The following LARS2 variants were observed in gnomAD, a reference collection of about 807,000 sequenced individuals.
LARS2 encodes leucyl-tRNA synthetase 2, mitochondrial.
In LARS2, 81 loss-of-function variants were observed where a neutral mutation model predicts 116.6. The ratio of observed to expected loss-of-function variants is 0.69; its 90% CI spans 0.58 to 0.84. LARS2 has a LOEUF of 0.84. Ranked by LOEUF, LARS2 falls within the 40% of genes least tolerant of loss-of-function variation. The probability of loss-of-function intolerance (pLI) is 0.00; values close to 1 mark genes in which losing one functional copy is unlikely to be tolerated. For synonymous variants in LARS2, 396 were observed against 407.2 expected (o/e 0.97, Z 0.33); for missense variants, 968 against 1,114.5 (o/e 0.87, Z 1.87).
chr3:45,433,820 A>G (rs1444711846), intron 6 of LARS2, among the ~76,000 whole-genome samples: 1 of 152,088 alleles, frequency 6.6e-6, no homozygotes, highest in Non-Finnish European at 1.5e-5. Flanking sequence ...TCTTTATCTA[A>G]GAATGCTTGA....
chr3:45,487,016 GA>G (rs1699826224), intron 11 of LARS2, among the ~76,000 whole-genome samples: 1 of 152,064 alleles, frequency 6.6e-6, no homozygotes, highest in Non-Finnish European at 1.5e-5. Flanking sequence ...CCTCCAAGAA[GA>G]ACAAGAGCAG....
intron 6 of LARS2, among the ~76,000 whole-genome samples, chr3:45,445,302 G>C (rs1366186264): frequency 6.6e-6 from 1 of 152,230 alleles, no homozygotes; most frequent in African/African-American, 2.4e-5. Context: ...TTTGTTAACA[G>C]TGGAAGTTTT....
intron 7 of LARS2, among the ~76,000 whole-genome samples, 182 bp downstream of exon 7, chr3:45,447,162 T>G (rs1372556571): frequency 6.6e-6 from 1 of 152,168 alleles, no homozygotes; most frequent in African/African-American, 2.4e-5. Flanking sequence ...CTTTTACCCT[T>G]GAATTCTTAC....
chr3:45,479,206 T>C (rs1699660118), intron 10 of LARS2, among the ~76,000 whole-genome samples: 1 of 152,182 alleles, frequency 6.6e-6, no homozygotes, highest in African/African-American at 2.4e-5. Flanking sequence ...CCATATGACT[T>C]AAGGAAGGTC....
At chr3:45,488,125 T>C (rs1699846939) in intron 11 of LARS2, among the ~76,000 whole-genome samples, 1 of 152,002 alleles carries the variant, frequency 6.6e-6, no homozygotes, top group Admixed American at 6.6e-5. Flanking sequence ...ATGTATATAT[T>C]AGGATTGTAA....
At chr3:45,432,254 C>G (rs141244873) in intron 6 of LARS2, among the ~76,000 whole-genome samples, 3 of 152,006 alleles carry the variant, frequency 2.0e-5, no homozygotes, top group African/African-American at 7.2e-5. Context: ...AACAACCAGA[C>G]AGAAAATAAG....
intron 6 of LARS2, among the ~76,000 whole-genome samples, chr3:45,425,404 C>T (rs933637252): frequency 2.0e-5 from 3 of 152,290 alleles, no homozygotes; most frequent in East Asian, 1.9e-4. Flanking sequence ...CGTGACCTCA[C>T]ACTCGTCCCT....
intron 20 of LARS2, among the ~76,000 whole-genome samples, chr3:45,535,088 T>G (rs749733235): frequency 6.6e-6 from 1 of 152,132 alleles, no homozygotes; most frequent in African/African-American, 2.4e-5. Flanking sequence ...GCACACTGGC[T>G]CACTCTTGTA....
intron 10 of LARS2, among the ~76,000 whole-genome samples, chr3:45,480,063 A>G (rs573344326): frequency 6.6e-6 from 1 of 152,338 alleles, no homozygotes; most frequent in Non-Finnish European, 1.5e-5. Context: ...CATAGTATCC[A>G]TATGGGGTGA....
chr3:45,523,550 A>C (rs1700486625), intron 19 of LARS2, among the ~76,000 whole-genome samples: 1 of 149,786 alleles, frequency 6.7e-6, no homozygotes, highest in Non-Finnish European at 1.5e-5. Context: ...TTTTTTAAAG[A>C]TAGGGTCTCA....
chr3:45,535,345 T>A (rs1700684190), intron 20 of LARS2, among the ~76,000 whole-genome samples: 1 of 111,646 alleles, frequency 9.0e-6, no homozygotes. Context: ...AGAGTGAGAA[T>A]CTGTCTCAAT....
intron 6 of LARS2, among the ~76,000 whole-genome samples, chr3:45,424,482 C>T (rs186689104): frequency 8.5e-5 from 13 of 152,270 alleles, no homozygotes; most frequent in Admixed American, 3.3e-4. Context: ...TTGTACATCA[C>T]GGACTATCAG....
rs138628589 is a variant in LARS2, at chr3:45,522,430, G to GT, written c.2293-1566dup. Among the ~76,000 whole-genome samples the GT allele has an allele frequency of 1.3e-3, 200 of 152,066 alleles. 1 individual carries two copies. The highest frequency in any genetic ancestry group is 4.4e-3 in the African/African-American group (181 of 41,474). On this transcript the variant is annotated intron_variant, in intron 19 of 21. Coordinates refer to ENST00000645846, the MANE Select transcript of LARS2 (RefSeq NM_015340.4). ...GAAACTGTTTATGATATAATGTTAA[G>GT]TAAAAACACATGACACAAGGCCAGG...
intron 8 of LARS2, among the ~76,000 whole-genome samples, chr3:45,468,684 A>G (rs1699474522): frequency 6.6e-6 from 1 of 152,204 alleles, no homozygotes; most frequent in South Asian, 2.1e-4. Context: ...GCTGCTGAAA[A>G]GGTGGGTCAG....
At chr3:45,468,199 T>C (rs1699460118) in intron 8 of LARS2, among the ~76,000 whole-genome samples, 1 of 152,098 alleles carries the variant, frequency 6.6e-6, no homozygotes, top group African/African-American at 2.4e-5. Context: ...TAGACCTGAG[T>C]GTCTTAGAAA....
chr3:45,492,010 C>G (rs1259982220), intron 13 of LARS2, among the ~76,000 whole-genome samples: 1 of 152,240 alleles, frequency 6.6e-6, no homozygotes, highest in Non-Finnish European at 1.5e-5. Context: ...CCTCCCTTCT[C>G]TGAGCTGTTG....
intron 20 of LARS2, among the ~76,000 whole-genome samples, chr3:45,525,966 G>A (rs1700524587): frequency 1.3e-5 from 2 of 152,186 alleles, no homozygotes; most frequent in African/African-American, 2.4e-5. Context: ...TGACAATGAG[G>A]TAGTGCAACT....
chr3:45,490,816 A>G (rs750223226), intron 12 of LARS2, among the ~76,000 whole-genome samples: 10 of 152,212 alleles, frequency 6.6e-5, no homozygotes, highest in South Asian at 2.1e-4. Flanking sequence ...CTCAATTCAT[A>G]TAATTAGTTT....
chr3:45,514,035 GTC>G (rs1253417152), intron 16 of LARS2, among the ~76,000 whole-genome samples: 3 of 152,024 alleles, frequency 2.0e-5, no homozygotes, highest in Non-Finnish European at 4.4e-5. Context: ...GTGAAACCCC[GTC>G]TCTACTAAAA....
Sources: gnomAD v4.1 joint callset for allele counts (sites outside exome capture counted in the v4.1 genomes callset) on GRCh38, gnomAD v4.1.1 for gene constraint, MANE v1.5 for transcripts, NCBI Gene and HGNC (gene_info 2026-07-23, HGNC 2026-07-21) for gene names.